SLC35F1: variants seen among roughly 807,000 people sequenced by gnomAD.
SLC35F1 encodes solute carrier family 35 member F1, also known as chromosome 6 open reading frame 169.
In SLC35F1, 14 loss-of-function variants were observed where a neutral mutation model predicts 48.7. The ratio of observed to expected loss-of-function variants is 0.29; its 90% CI spans 0.19 to 0.45. The LOEUF is 0.45. Among genes scored for constraint, SLC35F1 ranks in the 20% least tolerant of loss-of-function variants. SLC35F1 has a pLI of 1.00. For synonymous variants in SLC35F1, 190 were observed against 202.2 expected, an observed-to-expected ratio of 0.94 and a Z score of 0.51; for missense variants, 404 against 500.0, an observed-to-expected ratio of 0.81 and a Z score of 1.83.
intron 1 of SLC35F1, among the ~76,000 whole-genome samples, chr6:118,127,129 G>C (rs1346477806): frequency 6.7e-6 from 1 of 150,148 alleles, no homozygotes; most frequent in African/African-American, 2.4e-5. Context: ...GTCATAGATA[G>C]CTCTTATTAT....
chr6:118,122,412 C>T (rs1773564444), intron 1 of SLC35F1, among the ~76,000 whole-genome samples: 1 of 152,168 alleles, frequency 6.6e-6, no homozygotes, highest in African/African-American at 2.4e-5. Context: ...AGCAAAGCTG[C>T]TCATTAAACA....
At chr6:118,081,656 A>C (rs932043909) in intron 1 of SLC35F1, among the ~76,000 whole-genome samples, 2 of 151,996 alleles carry the variant, frequency 1.3e-5, no homozygotes, top group Non-Finnish European at 2.9e-5. Flanking sequence ...ACAAACAAAA[A>C]CCACCAGATA....
At chr6:118,001,850 A>C (rs1460068759) in intron 1 of SLC35F1, among the ~76,000 whole-genome samples, 2 of 152,058 alleles carry the variant, frequency 1.3e-5, no homozygotes, top group Non-Finnish European at 2.9e-5. Flanking sequence ...ATATGAAAAA[A>C]TGCTCACTAT....
intron 1 of SLC35F1, among the ~76,000 whole-genome samples, chr6:117,928,263 C>T (rs765176859): frequency 6.6e-6 from 1 of 152,074 alleles, no homozygotes; most frequent in Non-Finnish European, 1.5e-5. Context: ...AAAGAGATGG[C>T]GGGTAGACAC....
chr6:117,909,095 CG>C (rs773699363), intron 1 of SLC35F1, among the ~76,000 whole-genome samples: 1 of 152,162 alleles, frequency 6.6e-6, no homozygotes, highest in Non-Finnish European at 1.5e-5. Context: ...AGTTTATTTG[CG>C]GGTACTTCTG....
chr6:118,276,773 C>G lies in SLC35F1; in HGVS notation c.795-721C>G, dbSNP rs569973400. 2.6e-5 allele frequency among the ~76,000 whole-genome samples: 4 copies of G among 152,274 alleles called. No individual in the cohort carries two copies. The South Asian group carries it at 6.2e-4, about 24-fold the overall frequency. On this transcript the variant is annotated intron_variant, in intron 5 of 7. Coordinates refer to ENST00000360388, the MANE Select transcript of SLC35F1 (RefSeq NM_001029858.4). ...AGTGCTCATTTGCTTCAGTTACAGT[C>G]TATTAGAGTTGAGTGTTCCCTTTGG...
At chr6:118,088,656 G>A (rs1249089529) in intron 1 of SLC35F1, among the ~76,000 whole-genome samples, 1 of 152,196 alleles carries the variant, frequency 6.6e-6, no homozygotes, top group African/African-American at 2.4e-5. Flanking sequence ...GCAGTAGAAG[G>A]TGTGAGGGGT....
intron 1 of SLC35F1, among the ~76,000 whole-genome samples, chr6:117,986,594 C>T (rs1194346863): frequency 6.6e-6 from 1 of 152,192 alleles, no homozygotes; most frequent in Admixed American, 6.5e-5. Context: ...CGGATCACCT[C>T]TTCCCCTGGG....
intron 7 of SLC35F1, among the ~76,000 whole-genome samples, chr6:118,301,080 C>A (rs1408250969): frequency 5.9e-5 from 9 of 152,110 alleles, no homozygotes; most frequent in Admixed American, 5.9e-4. Flanking sequence ...TGTTGGAGGT[C>A]AGGACTAAGT....
At chr6:118,258,827 T>C (rs1479496231) in intron 3 of SLC35F1, among the ~76,000 whole-genome samples, 1 of 151,894 alleles carries the variant, frequency 6.6e-6, no homozygotes, top group Non-Finnish European at 1.5e-5. Flanking sequence ...TTGACTGTAA[T>C]AAGAAACTGA....
chr6:118,269,942 C>A (rs988921413), intron 4 of SLC35F1, among the ~76,000 whole-genome samples: 1 of 152,090 alleles, frequency 6.6e-6, no homozygotes, highest in Non-Finnish European at 1.5e-5. Flanking sequence ...GCGGGAGGAT[C>A]GCCTGAGCCC....
At chr6:118,164,147 C>T (rs1774281590) in intron 2 of SLC35F1, among the ~76,000 whole-genome samples, 1 of 152,122 alleles carries the variant, frequency 6.6e-6, no homozygotes, top group Admixed American at 6.5e-5. Flanking sequence ...AAATGTGATA[C>T]TTGTTAGGAC....
Position 117,907,752 on chromosome 6 carries a change from A to T in SLC35F1, c.26A>T (p.Gln9Leu), listed in dbSNP as rs553451687. Residue 9 changes from glutamine (Q) to leucine (L), a missense_variant, in exon 1 of 8, where the codon CAG (glutamine) becomes CTG (leucine). Around this residue, in one of 2 missense-constraint regions of SLC35F1, gnomAD observed 98 missense variants for 81.0 expected, o/e 1.21. Coordinates refer to ENST00000360388, the MANE Select transcript of SLC35F1 (RefSeq NM_001029858.4). Reference protein sequence around the residue: MIPPEQPQQQLQPPSPAPP... With the variant: MIPPEQPQLQLQPPSPAPP... Reference sequence around the variant, plus strand: ...ATGATCCCCCCTGAGCAGCCGCAGCAGCAGCTGCAGCCGCCGTCGCCAGCC... The same window carrying T: ...ATGATCCCCCCTGAGCAGCCGCAGCTGCAGCTGCAGCCGCCGTCGCCAGCC... The T allele has an allele frequency of 6.5e-6, 10 of 1,549,716 alleles. No homozygotes were observed. Among genetic ancestry groups the T allele is most frequent in the Non-Finnish European group, 8.7e-6 (10 of 1,154,098 alleles).
intron 1 of SLC35F1, among the ~76,000 whole-genome samples, chr6:118,143,118 T>C (rs1196573023): frequency 6.6e-6 from 1 of 152,172 alleles, no homozygotes; most frequent in African/African-American, 2.4e-5. Flanking sequence ...ATTTCAAGCA[T>C]AAAAATGTAG....
At chr6:118,116,864 A>T (rs911931885) in intron 1 of SLC35F1, among the ~76,000 whole-genome samples, 1 of 152,160 alleles carries the variant, frequency 6.6e-6, no homozygotes, top group African/African-American at 2.4e-5. Context: ...CTCAGTATTG[A>T]GTGACGCCTT....
intron 3 of SLC35F1, among the ~76,000 whole-genome samples, chr6:118,253,508 G>A (rs572855078): frequency 6.6e-6 from 1 of 152,252 alleles, no homozygotes; most frequent in South Asian, 2.1e-4. Flanking sequence ...TGGCAGGAAA[G>A]GAAGTAAGAG....
intron 2 of SLC35F1, among the ~76,000 whole-genome samples, chr6:118,221,474 T>C (rs959545967): frequency 6.6e-6 from 1 of 152,112 alleles, no homozygotes; most frequent in Non-Finnish European, 1.5e-5. Context: ...TTCAAACTTC[T>C]GCATTCTCTG....
chr6:118,149,420 C>T lies in SLC35F1; in HGVS notation c.174-5025C>T, dbSNP rs112000410. On this transcript the variant is annotated intron_variant, in intron 1 of 7. Transcript: ENST00000360388. The stretch of plus-strand genomic sequence containing the variant: ...GGATTTGTCCTGTGCTAATAGAGAA[C>T]GAAAGAGAATTTGATCAGGGCAAGA... Among the ~76,000 whole-genome samples, 941 of 152,188 alleles carry T rather than the reference C, an allele frequency of 6.2e-3. 16 individuals carry two copies. The highest frequency in any genetic ancestry group is 0.021 in the African/African-American group (868 of 41,536).
At chr6:118,100,325 A>C (rs1454768020) in intron 1 of SLC35F1, among the ~76,000 whole-genome samples, 1 of 152,040 alleles carries the variant, frequency 6.6e-6, no homozygotes, top group East Asian at 1.9e-4. Flanking sequence ...ATAGTTAGCC[A>C]AACTTGAGGT....
Sources: allele counts gnomAD v4.1 joint callset (sites outside exome capture counted in the v4.1 genomes callset), GRCh38; gene constraint gnomAD v4.1.1; regional missense constraint gnomAD v4.1.1; transcripts MANE v1.5; gene names NCBI Gene and HGNC (gene_info 2026-07-23, HGNC 2026-07-21).